The following CRTC3 variants were observed in gnomAD, a reference collection of about 807,000 sequenced individuals.
The protein encoded by CRTC3 is CREB regulated transcription coactivator 3, also known as CREB-regulated transcription coactivator 3.
CRTC3 carries 26 observed loss-of-function variants against 74.5 expected under a neutral mutation model. That is an observed-to-expected ratio of 0.35 (90% CI 0.26 to 0.48). The LOEUF (loss-of-function observed/expected upper bound fraction) is 0.48, where lower values mean the gene tolerates loss of function less well. Ranked by LOEUF, CRTC3 falls within the 20% of genes least tolerant of loss-of-function variation. The probability of loss-of-function intolerance (pLI) is 0.99; values close to 1 mark genes in which losing one functional copy is unlikely to be tolerated. For synonymous variants in CRTC3, 377 were observed against 325.8 expected (o/e 1.16, Z -1.69); for missense variants, 760 against 787.3 (o/e 0.97, Z 0.41).
chr15:90,537,998 G>A (rs1299509154), intron 1 of CRTC3, among the ~76,000 whole-genome samples: 1 of 152,194 alleles, frequency 6.6e-6, no homozygotes, highest in Non-Finnish European at 1.5e-5. Context: ...GTCCCTATCT[G>A]GATTTATAAC....
Position 90,642,106 on chromosome 15 carries a change from C to G in CRTC3, c.1826C>G (p.Ser609Cys), listed in dbSNP as rs370089983. 5 of 1,613,962 alleles carry G rather than the reference C, an allele frequency of 3.1e-6. No homozygotes were observed. The African/African-American group carries it at 5.3e-5, about 17-fold the overall frequency. ...SDSSMGLLDP[S>C]VEETFRADRL The stretch of plus-strand genomic sequence containing the variant: ...TCCAGCATGGGCCTGCTGGACCCCT[C>G]TGTTGAAGAGACGTTTCGAGCTGAC... The change falls in exon 15 of 15, where the codon TCT becomes TGT. Residue 609 changes from serine (S) to cysteine (C), a missense_variant. By Grantham distance (112) the Ser-to-Cys change is moderately radical. Around this residue, in one of 2 missense-constraint regions of CRTC3, gnomAD observed 652 missense variants for 635.2 expected, o/e 1.03. Transcript: ENST00000268184.
chr15:90,549,961 C>T (rs554617894), intron 2 of CRTC3, among the ~76,000 whole-genome samples: 4 of 151,068 alleles, frequency 2.6e-5, no homozygotes, highest in African/African-American at 9.7e-5. Flanking sequence ...GCCCTGGCCT[C>T]CCAAAGTGCT....
chr15:90,548,472 A>C (rs1276865819), intron 2 of CRTC3, among the ~76,000 whole-genome samples: 1 of 152,218 alleles, frequency 6.6e-6, no homozygotes, highest in Non-Finnish European at 1.5e-5. Flanking sequence ...TTCGCATAGC[A>C]AGTAAGTAAG....
intron 2 of CRTC3, among the ~76,000 whole-genome samples, chr15:90,567,317 G>GA (rs1161091996): frequency 2.0e-5 from 3 of 151,664 alleles, no homozygotes; most frequent in Admixed American, 2.0e-4. Context: ...CTACTGCTCA[G>GA]AAAAAAAAGA....
chr15:90,556,209 G>A (rs896273240), intron 2 of CRTC3, among the ~76,000 whole-genome samples: 8 of 151,280 alleles, frequency 5.3e-5, no homozygotes, highest in African/African-American at 1.5e-4. Context: ...TTTCCCCAAC[G>A]GACATTTTAG....
chr15:90,561,121 C>T (rs889285455), intron 2 of CRTC3, among the ~76,000 whole-genome samples: 2 of 152,194 alleles, frequency 1.3e-5, no homozygotes, highest in Admixed American at 1.3e-4. Context: ...GATGTGGCTA[C>T]TAATAGTACC....
intron 2 of CRTC3, among the ~76,000 whole-genome samples, chr15:90,584,238 T>C (rs1596101499): frequency 1.5e-4 from 1 of 6,862 alleles, no homozygotes; most frequent in Non-Finnish European, 2.5e-4. Context: ...TCACCAACGC[T>C]TTTTTTTTTT....
At chr15:90,539,857 G>A (rs1423072474) in intron 1 of CRTC3, 182 bp from the exon 2 acceptor site, 7 of 584,506 alleles carry the variant, frequency 1.2e-5, no homozygotes, top group South Asian at 4.2e-5. Flanking sequence ...AGCTCTTTCC[G>A]AAAATAGAGT....
At chr15:90,563,927 G>C (rs1186161275) in intron 2 of CRTC3, among the ~76,000 whole-genome samples, 1 of 151,430 alleles carries the variant, frequency 6.6e-6, no homozygotes, top group Non-Finnish European at 1.5e-5. Flanking sequence ...ATTTATATTA[G>C]TGTTTCTACC....
chr15:90,623,558 C>G (rs1218274687), intron 9 of CRTC3, among the ~76,000 whole-genome samples: 3 of 152,180 alleles, frequency 2.0e-5, no homozygotes, highest in Admixed American at 2.0e-4. Context: ...GCCTGCCTCT[C>G]CCTCCCTGCG....
chr15:90,531,489 T>C (rs1374019971), intron 1 of CRTC3, among the ~76,000 whole-genome samples: 1 of 152,170 alleles, frequency 6.6e-6, no homozygotes, highest in East Asian at 1.9e-4. Context: ...TTCAGTGAAG[T>C]TAAGGAAAAA....
chr15:90,586,033 G>A (rs542975521), intron 2 of CRTC3, among the ~76,000 whole-genome samples: 5 of 152,210 alleles, frequency 3.3e-5, no homozygotes, highest in Admixed American at 2.6e-4. Context: ...ATCACATTCC[G>A]GTGCAGTCCT....
At chr15:90,564,162 G>A (rs1389099755) in intron 2 of CRTC3, among the ~76,000 whole-genome samples, 1 of 152,162 alleles carries the variant, frequency 6.6e-6, no homozygotes, top group Non-Finnish European at 1.5e-5. Flanking sequence ...TGAAGTCCAG[G>A]CTCTTTGATT....
rs1969332462 is a variant in CRTC3, at chr15:90,638,748, C to G, written c.1481C>G (p.Thr494Ser). ...TATTCCCTGAAGGGCTCATCTTTGACCAACTTCTTCCCAGATGTGGGTTTT... is the reference window on the plus strand; with the variant it reads ...TATTCCCTGAAGGGCTCATCTTTGAGCAACTTCTTCCCAGATGTGGGTTTT... ...QLLPAQGSSL[T>S]NFFPDVGFDQ... The change falls in exon 13 of 15, where the codon ACC becomes AGC. Residue 494 changes from threonine (T) to serine (S), a missense_variant. Physicochemically the swap from Thr to Ser is moderately conservative, Grantham distance 58. Transcript: ENST00000268184. 6.2e-7 allele frequency: 1 copy of G among 1,614,036 alleles called. No homozygotes were observed. The highest frequency in any genetic ancestry group is 1.3e-5 in the African/African-American group (1 of 74,926).
chr15:90,620,796 G>A (rs1014526095), intron 9 of CRTC3, among the ~76,000 whole-genome samples: 1 of 152,164 alleles, frequency 6.6e-6, no homozygotes, highest in Non-Finnish European at 1.5e-5. Context: ...ATCTGACTTA[G>A]TACATACAAT....
intron 11 of CRTC3, among the ~76,000 whole-genome samples, 154 bp downstream of exon 11, chr15:90,629,686 T>G (rs1968969324): frequency 1.3e-5 from 2 of 152,216 alleles, no homozygotes; most frequent in African/African-American, 4.8e-5. Context: ...ATATGTGAAA[T>G]CAGAGCAGAA....
chr15:90,617,841 C>A, intron 7 of CRTC3, 42 bp from the exon 8 acceptor site: 2 of 1,381,654 alleles, frequency 1.4e-6, no homozygotes, highest in Non-Finnish European at 2.1e-6. Context: ...TGGATTCCTG[C>A]CTTCTCATGC....
chr15:90,606,562 AG>A (rs199763596), intron 5 of CRTC3, among the ~76,000 whole-genome samples: 11 of 152,012 alleles, frequency 7.2e-5, no homozygotes, highest in African/African-American at 2.4e-4. Context: ...ACTCTGTCTC[AG>A]AAAAAAATAA....
At chr15:90,553,893 G>A (rs538296794) in intron 2 of CRTC3, among the ~76,000 whole-genome samples, 3 of 152,278 alleles carry the variant, frequency 2.0e-5, no homozygotes, top group East Asian at 1.9e-4. Context: ...AAAGAAATAC[G>A]ACAAGTACTA....
Sources: gnomAD v4.1 joint callset for allele counts (sites outside exome capture counted in the v4.1 genomes callset) on GRCh38, gnomAD v4.1.1 for gene constraint, gnomAD v4.1.1 regional missense constraint, MANE v1.5 for transcripts, NCBI Gene and HGNC (gene_info 2026-07-23, HGNC 2026-07-21) for gene names.